The following MYDGF variants were observed in gnomAD, a reference collection of about 807,000 sequenced individuals.
The protein encoded by MYDGF is myeloid derived growth factor.
A neutral mutation model predicts 24.2 loss-of-function variants in MYDGF; 29 were observed. That is an observed-to-expected ratio of 1.20 (90% CI 0.89 to 1.63). The LOEUF is 1.63. MYDGF is among the 40% of genes most tolerant of loss of function. The pLI is 0.00. For missense variants in MYDGF, 245 were observed against 234.8 expected, an observed-to-expected ratio of 1.04 and a Z score of -0.29; for synonymous variants, 105 against 102.5, an observed-to-expected ratio of 1.02 and a Z score of -0.15.
intron 1 of MYDGF, among the ~76,000 whole-genome samples, chr19:4,669,873 G>A (rs1305348341): frequency 6.6e-6 from 1 of 152,124 alleles, no homozygotes; most frequent in Non-Finnish European, 1.5e-5. Flanking sequence ...GGAGGGCAGG[G>A]GTGCCTGGAC....
intron 2 of MYDGF, 131 bp from the exon 3 acceptor site, chr19:4,665,068 C>G (rs959643872): frequency 2.2e-6 from 2 of 923,936 alleles, no homozygotes; most frequent in Non-Finnish European, 3.2e-6. Context: ...CCACTAAATC[C>G]CCTGCCCCGC....
Position 4,658,093 on chromosome 19 carries a change from A to C in MYDGF, c.443-9T>G. 1 of 1,606,932 alleles carries C rather than the reference A, an allele frequency of 6.2e-7. No homozygotes were observed. The highest frequency in any genetic ancestry group is 1.3e-5 in the African/African-American group (1 of 74,966). ...CCCGGGCCTGTGAGCCACTGCAAGA[A>C]AGAAACACATGGTTGGGCCCTCAAC... On this transcript the variant is annotated splice_polypyrimidine_tract_variant and intron_variant, in intron 5 of 5. Coordinates refer to ENST00000262947, the MANE Select transcript of MYDGF (RefSeq NM_019107.4).
At position 4,658,014 on chromosome 19, in the gene MYDGF, A is replaced by C. The variant is rs754277563; in HGVS notation, c.513T>G (p.Thr171=). 7.5e-6 allele frequency: 12 copies of C among 1,610,078 alleles called. No individual in the cohort carries two copies. In the East Asian group the frequency reaches 2.5e-4, roughly 33 times the overall value. Residue 171 remains threonine, a synonymous_variant, in exon 6 of 6, where the codon ACT becomes ACG. Transcript: ENST00000262947. ...KLVIVAKASR[T]EL is the part of the protein sequence containing the mutation. ...GCAACAGGGCTGCTGGTCACAGCTC[A>C]GTGCGCGATGCCTTGGCCACAATCA...
chr19:4,658,436 A>G (rs547975676), intron 5 of MYDGF, among the ~76,000 whole-genome samples: 3 of 152,304 alleles, frequency 2.0e-5, no homozygotes, highest in East Asian at 3.9e-4. Flanking sequence ...AACAGGATGC[A>G]GGGTGGGTCA....
intron 2 of MYDGF, among the ~76,000 whole-genome samples, chr19:4,666,744 C>T (rs16992494): frequency 0.25 from 37,328 of 152,034 alleles, 8,136 homozygotes; most frequent in African/African-American, 0.59. Flanking sequence ...GTCCATGCAA[C>T]TGAAGCGCTT....
At chr19:4,663,932 G>C (rs951566429) in intron 3 of MYDGF, among the ~76,000 whole-genome samples, 1 of 151,172 alleles carries the variant, frequency 6.6e-6, no homozygotes, top group Non-Finnish European at 1.5e-5. Context: ...GCCTCCTTCA[G>C]CCGGGGGGAT....
intron 3 of MYDGF, among the ~76,000 whole-genome samples, chr19:4,664,124 C>G (rs1313708843): frequency 2.0e-5 from 3 of 151,960 alleles, no homozygotes; most frequent in Non-Finnish European, 4.4e-5. Context: ...GTCCAGGACA[C>G]GCCCATCCAC....
In MYDGF at chr19:4,660,668, C is replaced by G; in HGVS notation, c.369+1G>C. 4 of 1,613,748 alleles carry G rather than the reference C, an allele frequency of 2.5e-6. No individual in the cohort carries two copies. The highest frequency in any genetic ancestry group is 3.3e-4 in the Middle Eastern group (2 of 6,062). ...AGCCTGCCCCACTCCAAGATACTCACGTAGGCCATGGCGTACTCAATCTCA... is the reference window on the plus strand; with the variant it reads ...AGCCTGCCCCACTCCAAGATACTCAGGTAGGCCATGGCGTACTCAATCTCA... On this transcript the variant is annotated splice_donor_variant, in intron 4 of 5. Coordinates refer to ENST00000262947, the MANE Select transcript of MYDGF (RefSeq NM_019107.4). LOFTEE classifies it high-confidence loss of function.
chr19:4,658,685 G>A (rs193039949), intron 5 of MYDGF, among the ~76,000 whole-genome samples: 4 of 152,140 alleles, frequency 2.6e-5, no homozygotes, highest in African/African-American at 9.7e-5. Context: ...TCAGGCAACC[G>A]AAGAAGGACC....
At chr19:4,658,648 A>C (rs2088443908) in intron 5 of MYDGF, among the ~76,000 whole-genome samples, 1 of 152,066 alleles carries the variant, frequency 6.6e-6, no homozygotes, top group Non-Finnish European at 1.5e-5. Flanking sequence ...CATGCAGCTG[A>C]ATGTGGCTTG....
At chr19:4,659,574 C>T (rs2088453099) in intron 5 of MYDGF, 2 of 437,080 alleles carry the variant, frequency 4.6e-6, no homozygotes, top group South Asian at 1.6e-4. Flanking sequence ...GTTGCCCAGG[C>T]TGGTCTTGAC....
intron 3 of MYDGF, among the ~76,000 whole-genome samples, chr19:4,661,145 T>C (rs948933094): frequency 2.6e-5 from 4 of 151,976 alleles, no homozygotes; most frequent in African/African-American, 9.7e-5. Flanking sequence ...TTTGGTATTT[T>C]TAGTAAAAAC....
intron 2 of MYDGF, among the ~76,000 whole-genome samples, chr19:4,667,894 G>A (rs1254324406): frequency 6.6e-6 from 1 of 152,090 alleles, no homozygotes; most frequent in African/African-American, 2.4e-5. Context: ...GATGGGGCAT[G>A]AGCCACCATG....
intron 5 of MYDGF, 110 bp downstream of exon 5, chr19:4,659,821 G>A (rs763175256): frequency 1.1e-6 from 1 of 910,578 alleles, no homozygotes; most frequent in East Asian, 2.4e-5. Context: ...TGGATGCCTG[G>A]TCTACAGTCT....
Position 4,659,160 on chromosome 19 carries a change from C to T in MYDGF, c.442+771G>A, listed in dbSNP as rs188820319. On this transcript the variant is annotated intron_variant, in intron 5 of 5. Coordinates refer to ENST00000262947, the MANE Select transcript of MYDGF (RefSeq NM_019107.4). ...GTGCGATCATAGCTCAATGCAGCCT[C>T]GACCTCCTGGGCTCAAATAATCCTC... Among the ~76,000 whole-genome samples the T allele has an allele frequency of 2.2e-3, 329 of 152,202 alleles. 3 individuals are homozygous for T. The highest frequency in any genetic ancestry group is 7.6e-3 in the African/African-American group (316 of 41,536).
Position 4,670,338 on chromosome 19 carries a change from G to A in MYDGF, c.-4C>T, listed in dbSNP as rs2088556968. 2 of 1,437,934 alleles carry A rather than the reference G, an allele frequency of 1.4e-6. No homozygotes were observed. The highest frequency in any genetic ancestry group is 1.5e-5 in the African/African-American group (1 of 67,280). The allele number at this position is 1,437,934 out of a possible 1,614,324, so 89.1% of individuals were successfully genotyped here. A position where few individuals can be genotyped will look rare whatever the true frequency, so the allele number is the denominator to read the frequency against. ...ACCCTCCGCTGGGCGCCGCCATGTT[G>A]GACTAGGGTCCTCAGGGCAGGGGCG... On this transcript the variant is annotated 5_prime_UTR_variant, in exon 1 of 6. Coordinates refer to ENST00000262947, the MANE Select transcript of MYDGF (RefSeq NM_019107.4).
At chr19:4,668,171 C>T (rs1599840546) in intron 2 of MYDGF, among the ~76,000 whole-genome samples, 2 of 152,290 alleles carry the variant, frequency 1.3e-5, no homozygotes, top group South Asian at 4.1e-4. Flanking sequence ...AGGTGATCTG[C>T]CCGCCTCAGC....
chr19:4,667,009 C>T (rs1277996891), intron 2 of MYDGF, among the ~76,000 whole-genome samples: 2 of 152,036 alleles, frequency 1.3e-5, no homozygotes, highest in Non-Finnish European at 1.5e-5. Context: ...GTCTTCATTT[C>T]CTTGCTGCCA....
Position 4,657,901 on chromosome 19 carries a change from A to G in MYDGF, c.*104T>C. Reference sequence around the variant, plus strand: ...AACGTCAGCCCAGGTAGAAAACTTAAGAGTCCCTCCTAGAAAACCAGTGAT... The same window carrying G: ...AACGTCAGCCCAGGTAGAAAACTTAGGAGTCCCTCCTAGAAAACCAGTGAT... On this transcript the variant is annotated 3_prime_UTR_variant, in exon 6 of 6. Coordinates refer to ENST00000262947, the MANE Select transcript of MYDGF (RefSeq NM_019107.4). 1 of 1,100,432 alleles carries G rather than the reference A, an allele frequency of 9.1e-7. No individual in the cohort carries two copies. Among genetic ancestry groups the G allele is most frequent in the Non-Finnish European group, 1.3e-6 (1 of 780,038 alleles). 68.2% of individuals were successfully genotyped at this position (1,100,432 alleles called of 1,614,324 possible).
Sources: gnomAD v4.1 joint callset for allele counts (sites outside exome capture counted in the v4.1 genomes callset) on GRCh38, gnomAD v4.1.1 for gene constraint, MANE v1.5 for transcripts, NCBI Gene and HGNC (gene_info 2026-07-23, HGNC 2026-07-21) for gene names.